The following PDPR variants were observed in gnomAD, a reference collection of about 807,000 sequenced individuals.
The protein encoded by PDPR is pyruvate dehydrogenase phosphatase regulatory subunit.
A neutral mutation model predicts 102.2 loss-of-function variants in PDPR; 50 were observed. That is an observed-to-expected ratio of 0.49 (90% confidence interval 0.39 to 0.62). The LOEUF (loss-of-function observed/expected upper bound fraction) is 0.62. Ranked by LOEUF, PDPR falls within the 20% of genes least tolerant of loss-of-function variation. The pLI is 0.00. For synonymous variants in PDPR, 259 were observed against 406.0 expected (o/e 0.64, Z 4.35); for missense variants, 625 against 1,098.2 (o/e 0.57, Z 6.09).
At chr16:70,156,409 G>T (rs1244828247) in intron 18 of PDPR, 66 bp from the exon 19 acceptor site, 9 of 1,567,526 alleles carry the variant, frequency 5.7e-6, no homozygotes. Flanking sequence ...CCCTTCCCAC[G>T]GTGCTGCTCT....
At chr16:70,150,361 C>T (rs907997350) in intron 17 of PDPR, among the ~76,000 whole-genome samples, 69 of 152,182 alleles carry the variant, frequency 4.5e-4, no homozygotes, top group African/African-American at 1.6e-3. Context: ...ACCTCGGCCT[C>T]CCAAAGTGCT....
intron 15 of PDPR, among the ~76,000 whole-genome samples, chr16:70,145,240 C>T (rs1267499935): frequency 4.6e-5 from 7 of 152,330 alleles, no homozygotes; most frequent in South Asian, 4.1e-4. Flanking sequence ...CGGGTTCAAG[C>T]GATTCTTCTG....
At chr16:70,119,328 C>T (rs1267162211) in intron 2 of PDPR, among the ~76,000 whole-genome samples, 1 of 151,960 alleles carries the variant, frequency 6.6e-6, no homozygotes, top group Non-Finnish European at 1.5e-5. Flanking sequence ...TGGAAAACAT[C>T]CCCCAACCCC....
intron 3 of PDPR, 71 bp downstream of exon 3, chr16:70,120,790 G>C: frequency 3.0e-6 from 3 of 986,098 alleles, no homozygotes; most frequent in Non-Finnish European, 4.8e-6. Context: ...TCCTTTCAGA[G>C]ATACTGCCCC....
intron 10 of PDPR, among the ~76,000 whole-genome samples, chr16:70,138,226 T>G (rs1168413206): frequency 7.2e-6 from 1 of 139,232 alleles, no homozygotes; most frequent in African/African-American, 2.6e-5. Context: ...TTTTTTTTTT[T>G]TTTTTTTTTG....
intron 17 of PDPR, among the ~76,000 whole-genome samples, chr16:70,152,174 C>T (rs1483495201): frequency 1.3e-5 from 2 of 152,404 alleles, no homozygotes; most frequent in South Asian, 2.1e-4. Flanking sequence ...CCCTTACACA[C>T]ATACCACAGG....
At chr16:70,125,575 G>GTATA (rs60529473) in intron 3 of PDPR, among the ~76,000 whole-genome samples, 21 of 136,106 alleles carry the variant, frequency 1.5e-4, no homozygotes, top group South Asian at 4.5e-4. Flanking sequence ...AAAAAAAAAA[G>GTATA]TATATATATA....
chr16:70,155,209 A>G (rs1239702052), intron 18 of PDPR, among the ~76,000 whole-genome samples: 1 of 152,170 alleles, frequency 6.6e-6, no homozygotes, highest in Non-Finnish European at 1.5e-5. Flanking sequence ...AAAAAAGGTA[A>G]TAACCCATTT....
rs190236953 is a variant in PDPR at position 70,135,887 on chromosome 16, G to A, written c.998-307G>A. On this transcript the variant is annotated intron_variant, in intron 9 of 18. Transcript: ENST00000288050. ...GTTCGAAACTAGTGTGGCCATCATG[G>A]TGAAACCCCATCTCTACTAAAAATA... 2.2e-3 allele frequency among the ~76,000 whole-genome samples: 329 copies of A among 152,244 alleles called. 1 individual carries two copies. Among genetic ancestry groups the A allele is most frequent in the Middle Eastern group, 0.01 (3 of 294 alleles).
At chr16:70,134,030 G>A (rs1227601032) in intron 9 of PDPR, among the ~76,000 whole-genome samples, 3 of 152,232 alleles carry the variant, frequency 2.0e-5, no homozygotes, top group Admixed American at 1.3e-4. Flanking sequence ...ACCATGCCCG[G>A]CCCCTGCTTA....
At chr16:70,132,411 G>A (rs1382022281) in intron 9 of PDPR, 111 bp downstream of exon 9, 1 of 1,098,226 alleles carries the variant, frequency 9.1e-7, no homozygotes, top group African/African-American at 1.6e-5. Context: ...ATCGCCATGA[G>A]GTACAACAGT....
chr16:70,153,321 C>A, intron 17 of PDPR, 70 bp from the exon 18 acceptor site: 1 of 1,467,432 alleles, frequency 6.8e-7, no homozygotes. Flanking sequence ...GAGCCATCAG[C>A]GCTTCCAGAC....
chr16:70,128,622 T>G (rs1964220920), intron 4 of PDPR, among the ~76,000 whole-genome samples, 162 bp from the exon 5 acceptor site: 1 of 152,270 alleles, frequency 6.6e-6, no homozygotes, highest in African/African-American at 2.4e-5. Context: ...GTTCTTAAAA[T>G]TTTGCATAGA....
chr16:70,119,197 A>G (rs1243115036), intron 2 of PDPR, among the ~76,000 whole-genome samples: 1 of 152,058 alleles, frequency 6.6e-6, no homozygotes, highest in Admixed American at 6.6e-5. Context: ...GCAGTGGTTC[A>G]TGCCTGTAAT....
intron 2 of PDPR, among the ~76,000 whole-genome samples, chr16:70,118,190 A>G (rs1232267193): frequency 2.0e-5 from 3 of 152,228 alleles, no homozygotes; most frequent in Non-Finnish European, 4.4e-5. Flanking sequence ...GCTAGGGTCA[A>G]GAGAAGAGAG....
intron 3 of PDPR, among the ~76,000 whole-genome samples, chr16:70,126,213 AATTTT>A (rs1167793916): frequency 6.6e-6 from 1 of 152,232 alleles, no homozygotes; most frequent in Non-Finnish European, 1.5e-5. Context: ...TGAATTCCAA[AATTTT>A]ATTTTATTTT....
At chr16:70,115,271 G>A (rs1962522754) in intron 2 of PDPR, among the ~76,000 whole-genome samples, 1 of 152,010 alleles carries the variant, frequency 6.6e-6, no homozygotes, top group East Asian at 1.9e-4. Context: ...ATACAGGTGT[G>A]CGCCACCACG....
At chr16:70,153,302 T>G in intron 17 of PDPR, 89 bp from the exon 18 acceptor site, 1 of 1,352,714 alleles carries the variant, frequency 7.4e-7, no homozygotes, top group South Asian at 1.4e-5. Flanking sequence ...TTGTCCATGT[T>G]AATAGTGTGA....
At chr16:70,140,649 A>G (rs11864355) in intron 11 of PDPR, among the ~76,000 whole-genome samples, 1 of 152,048 alleles carries the variant, frequency 6.6e-6, no homozygotes. Flanking sequence ...CCCTGTCTCT[A>G]CTAAAAATAC....
Sources: allele counts gnomAD v4.1 joint callset (sites outside exome capture counted in the v4.1 genomes callset), GRCh38; gene constraint gnomAD v4.1.1; transcripts MANE v1.5; gene names NCBI Gene and HGNC (gene_info 2026-07-23, HGNC 2026-07-21).